Variants in ABTB2 observed in about 807,000 individuals in gnomAD.
The protein encoded by ABTB2 is ankyrin repeat and BTB domain containing 2, also known as ankyrin repeat and BTB/POZ domain-containing protein 2.
Under a neutral mutation model 104.1 loss-of-function variants are expected in ABTB2, and 56 were observed. The ratio of observed to expected loss-of-function variants is 0.54; its 90% CI spans 0.43 to 0.67. ABTB2 has a LOEUF of 0.67. Ranked by LOEUF, ABTB2 falls within the 30% of genes least tolerant of loss-of-function variation. The pLI, the probability that ABTB2 is intolerant of heterozygous loss-of-function variation, is 0.00. For synonymous variants in ABTB2, 606 were observed against 608.2 expected (o/e 1.00, Z 0.05); for missense variants, 1,279 against 1,407.7 (o/e 0.91, Z 1.46).
chr11:34,154,615 G>A lies in ABTB2; in HGVS notation c.2766+86C>T, dbSNP rs1852594641. The stretch of plus-strand genomic sequence containing the variant: ...TCTTCCTGTCAGATGGAGAGGAAGA[G>A]CCACCTTCCCTCTGAAGGGGGTGAA... On this transcript the variant is annotated intron_variant, in intron 15 of 16. Transcript: ENST00000435224. The surrounding 1 kb of genome is among the most constrained non-coding windows in gnomAD (Gnocchi z 4.9). 2 of 1,367,826 alleles carry A rather than the reference G, an allele frequency of 1.5e-6. No individual in the cohort carries two copies. Among genetic ancestry groups the A allele is most frequent in the Non-Finnish European group, 2.1e-6 (2 of 966,522 alleles). The allele number at this position is 1,367,826 out of a possible 1,614,324, so 84.7% of individuals were successfully genotyped here. A position where few individuals can be genotyped will look rare whatever the true frequency, so the allele number is the denominator to read the frequency against.
intron 1 of ABTB2, among the ~76,000 whole-genome samples, chr11:34,259,949 T>C (rs7946171): frequency 0.25 from 38,181 of 151,912 alleles, 5,299 homozygotes; most frequent in African/African-American, 0.37. Flanking sequence ...AGATCACAGG[T>C]GCACACCACC....
chr11:34,189,784 A>G (rs534032443), intron 3 of ABTB2, among the ~76,000 whole-genome samples: 2 of 152,314 alleles, frequency 1.3e-5, no homozygotes, highest in African/African-American at 2.4e-5. Context: ...CTGCTCCGAC[A>G]TGTCCCCCAC....
At chr11:34,335,182 C>G (rs1462112491) in intron 1 of ABTB2, 1 of 1,270,644 alleles carries the variant, frequency 7.9e-7, no homozygotes, top group Non-Finnish European at 1.2e-6. Context: ...CTTCCTACAA[C>G]TACACGGGTA....
chr11:34,213,870 T>C (rs1041932763), intron 1 of ABTB2, among the ~76,000 whole-genome samples: 6 of 152,180 alleles, frequency 3.9e-5, no homozygotes, highest in Non-Finnish European at 8.8e-5. Context: ...ACTGAGCTTT[T>C]TCCTGTGGAA....
At chr11:34,162,866 G>A in intron 9 of ABTB2, 61 bp from the exon 10 acceptor site, 1 of 1,484,222 alleles carries the variant, frequency 6.7e-7, no homozygotes, top group East Asian at 2.4e-5. Context: ...GCCCACCTGA[G>A]CTGTCCCCCA....
At chr11:34,302,784 G>C (rs1854722862) in intron 1 of ABTB2, among the ~76,000 whole-genome samples, 1 of 152,170 alleles carries the variant, frequency 6.6e-6, no homozygotes, top group Non-Finnish European at 1.5e-5. Context: ...ATAATCAAAG[G>C]CCCAGTCAGA....
chr11:34,155,460 C>CAGTT (rs1421142692), intron 14 of ABTB2, among the ~76,000 whole-genome samples: 2 of 152,242 alleles, frequency 1.3e-5, no homozygotes, highest in Non-Finnish European at 2.9e-5. Flanking sequence ...GCTGAGGTTT[C>CAGTT]AGTTACAAAC....
At chr11:34,216,271 T>C (rs941007461) in intron 1 of ABTB2, among the ~76,000 whole-genome samples, 8 of 152,216 alleles carry the variant, frequency 5.3e-5, no homozygotes, top group African/African-American at 1.9e-4. Flanking sequence ...GACACCTCAG[T>C]TGATGATGAG....
intron 3 of ABTB2, among the ~76,000 whole-genome samples, chr11:34,187,690 C>T (rs1853119893): frequency 6.6e-6 from 1 of 152,008 alleles, no homozygotes; most frequent in Non-Finnish European, 1.5e-5. Context: ...GATGGGGTCT[C>T]ACTATTTTGC....
Position 34,164,138 on chromosome 11 carries a change from C to G in ABTB2, c.1988+548G>C, listed in dbSNP as rs111226890. Among the ~76,000 whole-genome samples, 940 of 152,346 alleles carry G rather than the reference C, an allele frequency of 6.2e-3. 18 individuals carry two copies. Among genetic ancestry groups the G allele is most frequent in the African/African-American group, 0.022 (920 of 41,562 alleles). ...CCCCGCTTTTCCAGCCCCGTTTCTG[C>G]CCTGTAATAAGCCCTTGTCTGGTCT... On this transcript the variant is annotated intron_variant, in intron 9 of 16. Coordinates refer to ENST00000435224, the MANE Select transcript of ABTB2 (RefSeq NM_145804.3).
At chr11:34,313,115 T>G (rs1332284331) in intron 1 of ABTB2, among the ~76,000 whole-genome samples, 2 of 152,210 alleles carry the variant, frequency 1.3e-5, no homozygotes, top group Non-Finnish European at 2.9e-5. Flanking sequence ...GAGTTAACAA[T>G]AGCTCACTGT....
chr11:34,249,192 C>G (rs1854023926), intron 1 of ABTB2, among the ~76,000 whole-genome samples: 1 of 152,140 alleles, frequency 6.6e-6, no homozygotes, highest in Non-Finnish European at 1.5e-5. Flanking sequence ...TGACTTGCAC[C>G]CTCGTGAATG....
At chr11:34,341,849 T>A (rs546495266) in intron 1 of ABTB2, among the ~76,000 whole-genome samples, 15 of 152,342 alleles carry the variant, frequency 9.8e-5, no homozygotes, top group Non-Finnish European at 2.1e-4. Context: ...TGGAACGTTT[T>A]CAGCTGGAAG....
intron 14 of ABTB2, among the ~76,000 whole-genome samples, chr11:34,158,472 T>C (rs1298878806): frequency 2.6e-5 from 4 of 151,796 alleles, no homozygotes; most frequent in African/African-American, 9.7e-5. Context: ...GACTCTGGGG[T>C]TTGCAATCTC....
chr11:34,246,694 A>T (rs1160520434), intron 1 of ABTB2, among the ~76,000 whole-genome samples: 1 of 148,370 alleles, frequency 6.7e-6, no homozygotes, highest in Non-Finnish European at 1.5e-5. Context: ...ACTTGCTTTG[A>T]ACCCTACCAC....
chr11:34,275,883 C>T (rs1471902299), intron 1 of ABTB2, among the ~76,000 whole-genome samples: 1 of 152,170 alleles, frequency 6.6e-6, no homozygotes, highest in Non-Finnish European at 1.5e-5. Flanking sequence ...GTCCTGTGAT[C>T]CCACAGGTGG....
rs1340900820 is a variant in ABTB2 at position 34,357,185 on chromosome 11, G to A, written c.399C>T (p.Arg133=). The A allele has an allele frequency of 4.0e-6, 6 of 1,509,052 alleles. No homozygotes were observed. The highest frequency in any genetic ancestry group is 5.3e-6 in the Non-Finnish European group (6 of 1,136,882). 93.5% of individuals were successfully genotyped at this position (1,509,052 alleles called of 1,614,324 possible). A position where few individuals can be genotyped will look rare whatever the true frequency, so the allele number is the denominator to read the frequency against. ...EAVRRLAGLL[R]RALIRVAREA... is the part of the protein sequence containing the mutation. Reference sequence around the variant, plus strand: ...CGCGGGCCACGCGGATCAGTGCCCTGCGGAGCAGCCCGGCCAGGCGCCTCA... The same window carrying A: ...CGCGGGCCACGCGGATCAGTGCCCTACGGAGCAGCCCGGCCAGGCGCCTCA... Residue 133 remains arginine (R), a synonymous_variant, in exon 1 of 17, where the codon CGC becomes CGT. Coordinates refer to ENST00000435224, the MANE Select transcript of ABTB2 (RefSeq NM_145804.3).
chr11:34,229,209 G>A (rs912604956), intron 1 of ABTB2, among the ~76,000 whole-genome samples: 19 of 151,798 alleles, frequency 1.3e-4, no homozygotes, highest in Admixed American at 7.2e-4. Context: ...CTGGCCGGGT[G>A]CGGTGGCTCA....
chr11:34,299,403 C>G (rs536000806), intron 1 of ABTB2, among the ~76,000 whole-genome samples: 1 of 152,246 alleles, frequency 6.6e-6, no homozygotes, highest in South Asian at 2.1e-4. Flanking sequence ...GATGTTTAAG[C>G]CAAGATCTCC....
Sources: gnomAD v4.1 joint callset for allele counts (sites outside exome capture counted in the v4.1 genomes callset) on GRCh38, gnomAD v4.1.1 for gene constraint, Gnocchi (gnomAD v3.1) non-coding constraint, MANE v1.5 for transcripts, NCBI Gene and HGNC (gene_info 2026-07-23, HGNC 2026-07-21) for gene names.